The following HS6ST3 variants were observed in gnomAD, a reference collection of about 807,000 sequenced individuals.
The protein encoded by HS6ST3 is heparan-sulfate 6-O-sulfotransferase 3.
HS6ST3 carries 12 observed loss-of-function variants against 36.7 expected under a neutral mutation model. The ratio of observed to expected loss-of-function variants is 0.33; its 90% CI spans 0.21 to 0.53. The LOEUF is 0.53. Among genes scored for constraint, HS6ST3 ranks in the 20% least tolerant of loss-of-function variants. HS6ST3 has a pLI of 0.95. For missense variants in HS6ST3, 584 were observed against 640.9 expected (o/e 0.91, Z 0.96); for synonymous variants, 240 against 257.5 (o/e 0.93, Z 0.65).
At chr13:96,320,850 TC>T (rs1167985687) in intron 1 of HS6ST3, among the ~76,000 whole-genome samples, 1 of 152,174 alleles carries the variant, frequency 6.6e-6, no homozygotes, top group East Asian at 1.9e-4. Flanking sequence ...GAGCCCCACT[TC>T]CTCACAGACA....
intron 1 of HS6ST3, among the ~76,000 whole-genome samples, chr13:96,540,165 G>T (rs964338793): frequency 2.0e-5 from 3 of 152,170 alleles, no homozygotes; most frequent in African/African-American, 7.2e-5. Flanking sequence ...GGGTCTTGCT[G>T]CATGGTGAGC....
chr13:96,526,397 G>A (rs2056114728), intron 1 of HS6ST3, among the ~76,000 whole-genome samples: 1 of 152,168 alleles, frequency 6.6e-6, no homozygotes, highest in Non-Finnish European at 1.5e-5. Context: ...CCTCTAATCA[G>A]TGTGATGCTG....
chr13:96,301,718 C>A (rs2054882872), intron 1 of HS6ST3, among the ~76,000 whole-genome samples: 1 of 151,838 alleles, frequency 6.6e-6, no homozygotes, highest in South Asian at 2.1e-4. Context: ...ATAGTGAAAT[C>A]CCATCTCTAC....
At chr13:96,246,548 G>C (rs1347727803) in intron 1 of HS6ST3, among the ~76,000 whole-genome samples, 1 of 152,102 alleles carries the variant, frequency 6.6e-6, no homozygotes, top group African/African-American at 2.4e-5. Flanking sequence ...TGATTTTAAG[G>C]CAGATACTTC....
chr13:96,426,619 T>A (rs533147206), intron 1 of HS6ST3, among the ~76,000 whole-genome samples: 79 of 152,312 alleles, frequency 5.2e-4, no homozygotes, highest in African/African-American at 1.8e-3. Flanking sequence ...GTCATTTGAC[T>A]TTTTTTAGTA....
At chr13:96,584,924 C>A (rs1164411467) in intron 1 of HS6ST3, among the ~76,000 whole-genome samples, 1 of 152,036 alleles carries the variant, frequency 6.6e-6, no homozygotes, top group Non-Finnish European at 1.5e-5. Flanking sequence ...TGGGCACAGA[C>A]CATATGGAGG....
At chr13:96,246,172 C>T (rs1329738805) in intron 1 of HS6ST3, among the ~76,000 whole-genome samples, 1 of 152,014 alleles carries the variant, frequency 6.6e-6, no homozygotes, top group African/African-American at 2.4e-5. Flanking sequence ...AGAGCCATAT[C>T]TGTAAAAACC....
At chr13:96,751,217 G>A (rs1419827748) in intron 1 of HS6ST3, among the ~76,000 whole-genome samples, 1 of 152,120 alleles carries the variant, frequency 6.6e-6, no homozygotes, top group Non-Finnish European at 1.5e-5. Context: ...TGGAAATAGG[G>A]TCATTTCAGA....
intron 1 of HS6ST3, among the ~76,000 whole-genome samples, chr13:96,719,412 G>A (rs1184626236): frequency 6.6e-6 from 1 of 151,884 alleles, no homozygotes; most frequent in Non-Finnish European, 1.5e-5. Context: ...TTCCTGTAAT[G>A]TTTGTGTTTT....
chr13:96,392,577 G>A (rs1461539791), intron 1 of HS6ST3, among the ~76,000 whole-genome samples: 7 of 152,356 alleles, frequency 4.6e-5, no homozygotes, highest in South Asian at 4.1e-4. Context: ...CAAAGAATTA[G>A]TTGGGGCTAA....
chr13:96,223,376 T>C (rs1159341555), intron 1 of HS6ST3, among the ~76,000 whole-genome samples: 1 of 152,222 alleles, frequency 6.6e-6, no homozygotes, highest in Non-Finnish European at 1.5e-5. Flanking sequence ...CCCCAGACTC[T>C]GGAACAGGAC....
chr13:96,174,504 G>C (rs1485688832), intron 1 of HS6ST3, among the ~76,000 whole-genome samples: 1 of 152,018 alleles, frequency 6.6e-6, no homozygotes, highest in Non-Finnish European at 1.5e-5. Context: ...AAGTAACCTG[G>C]CATTTCAGGT....
At position 96,779,316 on chromosome 13, in the gene HS6ST3, CAATAAT is replaced by C. The variant is rs67524779; in HGVS notation, c.708-53146_708-53141del. Among the ~76,000 whole-genome samples, 208 of 147,460 alleles carry C rather than the reference CAATAAT, an allele frequency of 1.4e-3. 3 individuals are homozygous for C. The highest frequency in any genetic ancestry group is 4.3e-3 in the African/African-American group (170 of 39,904). ...ACATGTATTCCAGAACTTAAAGTAT[CAATAAT>C]AATAATAATAATAATAATAATAATA... On this transcript the variant is annotated intron_variant, in intron 1 of 1. Coordinates refer to ENST00000376705, the MANE Select transcript of HS6ST3 (RefSeq NM_153456.4).
intron 1 of HS6ST3, among the ~76,000 whole-genome samples, chr13:96,440,244 C>T (rs1594780855): frequency 2.0e-5 from 3 of 152,118 alleles, no homozygotes; most frequent in African/African-American, 7.2e-5. Flanking sequence ...GTCAGGAGTT[C>T]GACACCAGAC....
chr13:96,133,670 G>A (rs1389473014), intron 1 of HS6ST3, among the ~76,000 whole-genome samples: 1 of 152,048 alleles, frequency 6.6e-6, no homozygotes, highest in African/African-American at 2.4e-5. Context: ...TGATTTGCCC[G>A]CCTTGGCCTC....
chr13:96,484,231 G>A (rs950255080), intron 1 of HS6ST3, among the ~76,000 whole-genome samples: 1 of 151,976 alleles, frequency 6.6e-6, no homozygotes, highest in Non-Finnish European at 1.5e-5. Flanking sequence ...TGTATATTGT[G>A]AAATGATCAT....
intron 1 of HS6ST3, among the ~76,000 whole-genome samples, chr13:96,382,805 ATAT>A (rs2055347877): frequency 1.3e-5 from 2 of 152,248 alleles, no homozygotes; most frequent in Admixed American, 6.5e-5. Flanking sequence ...ATGAAGAACT[ATAT>A]TATTAAGATT....
chr13:96,332,858 C>G (rs2055079206), intron 1 of HS6ST3, among the ~76,000 whole-genome samples: 1 of 152,148 alleles, frequency 6.6e-6, no homozygotes, highest in South Asian at 2.1e-4. Flanking sequence ...AAGTTAATCA[C>G]CAATGTGATG....
chr13:96,536,178 A>G lies in HS6ST3; in HGVS notation c.708-296312A>G, dbSNP rs183105590. On this transcript the variant is annotated intron_variant, in intron 1 of 1. Coordinates refer to ENST00000376705, the MANE Select transcript of HS6ST3 (RefSeq NM_153456.4). ...CTGTCTACCTTCTTAGCAGATTTAC[A>G]TGAACATTTTTCGAAGTTGTTATAA... is the stretch of plus-strand genomic sequence containing the variant. Among the ~76,000 whole-genome samples, 97 of 152,318 alleles carry G rather than the reference A, an allele frequency of 6.4e-4. 1 individual carries two copies. The highest frequency in any genetic ancestry group is 1.4e-3 in the Admixed American group (22 of 15,298).
Sources: gnomAD v4.1 joint callset for allele counts (sites outside exome capture counted in the v4.1 genomes callset) on GRCh38, gnomAD v4.1.1 for gene constraint, MANE v1.5 for transcripts, NCBI Gene and HGNC (gene_info 2026-07-23, HGNC 2026-07-21) for gene names.